Variants in ATRNL1 observed in about 807,000 individuals in gnomAD.
The protein encoded by ATRNL1 is attractin-like protein 1.
ATRNL1 carries 95 observed loss-of-function variants against 182.7 expected under a neutral mutation model. The observed-to-expected ratio is 0.52, with a 90% CI of 0.44 to 0.62. The LOEUF (loss-of-function observed/expected upper bound fraction) is 0.62. Ranked by LOEUF, ATRNL1 falls within the 20% of genes least tolerant of loss-of-function variation. ATRNL1 has a pLI of 0.00. For missense variants in ATRNL1, 1,471 were observed against 1,679.5 expected, an observed-to-expected ratio of 0.88 and a Z score of 2.17; for synonymous variants, 576 against 568.3, an observed-to-expected ratio of 1.01 and a Z score of -0.19.
intron 24 of ATRNL1, among the ~76,000 whole-genome samples, chr10:115,497,606 A>T (rs1020215462): frequency 2.0e-5 from 3 of 151,330 alleles, no homozygotes; most frequent in Non-Finnish European, 4.4e-5. Flanking sequence ...GTGCACACTA[A>T]TTGGTTCTAA....
intron 28 of ATRNL1, among the ~76,000 whole-genome samples, chr10:115,895,107 C>T (rs1210055081): frequency 1.3e-5 from 2 of 152,112 alleles, no homozygotes; most frequent in Non-Finnish European, 2.9e-5. Context: ...TTTAAGTTGC[C>T]ATTATATTGG....
chr10:115,141,777 C>A (rs569822658), intron 5 of ATRNL1, among the ~76,000 whole-genome samples: 1 of 152,008 alleles, frequency 6.6e-6, no homozygotes, highest in Non-Finnish European at 1.5e-5. Context: ...ACAGGTAATG[C>A]GTTTAATTCC....
intron 27 of ATRNL1, among the ~76,000 whole-genome samples, chr10:115,788,066 C>T (rs903681802): frequency 2.0e-5 from 3 of 152,112 alleles, no homozygotes; most frequent in African/African-American, 2.4e-5. Context: ...AATACAGGTA[C>T]GTAACATTTT....
rs540866137 is a variant in ATRNL1, at chr10:115,678,549, CAGTT to C, written c.3796-48698_3796-48695del. 2.2e-4 allele frequency among the ~76,000 whole-genome samples: 33 copies of C among 152,190 alleles called. 1 individual carries two copies. In the South Asian group the frequency reaches 6.6e-3, roughly 31 times the overall value. On this transcript the variant is annotated intron_variant, in intron 26 of 28. Coordinates refer to ENST00000355044, the MANE Select transcript of ATRNL1 (RefSeq NM_207303.4). ...CAGTTCTGGCTTCTGTTTTGGGAAA[CAGTT>C]TGTAACTGTGTTTAATATCATTTGA...
chr10:115,147,547 C>T (rs537899895), intron 5 of ATRNL1, among the ~76,000 whole-genome samples: 1 of 152,116 alleles, frequency 6.6e-6, no homozygotes, highest in Admixed American at 6.5e-5. Context: ...TTGCCTAGGT[C>T]AATGTCTCAA....
intron 8 of ATRNL1, among the ~76,000 whole-genome samples, chr10:115,205,184 A>G (rs560772233): frequency 2.6e-5 from 4 of 152,020 alleles, no homozygotes; most frequent in Admixed American, 6.6e-5. Flanking sequence ...ACACACCACC[A>G]TTACAGTATT....
At chr10:115,111,350 A>G (rs533154630) in intron 1 of ATRNL1, among the ~76,000 whole-genome samples, 1 of 152,336 alleles carries the variant, frequency 6.6e-6, no homozygotes, top group South Asian at 2.1e-4. Flanking sequence ...GTCCATTTGT[A>G]TTGCTACGAA....
chr10:115,272,694 G>C (rs572560957), intron 13 of ATRNL1, among the ~76,000 whole-genome samples: 3 of 152,268 alleles, frequency 2.0e-5, no homozygotes, highest in Middle Eastern at 3.4e-3. Flanking sequence ...AGCTTATATG[G>C]CTTTCTGGAG....
chr10:115,568,875 G>A (rs74525055), intron 26 of ATRNL1, among the ~76,000 whole-genome samples: 1,991 of 151,802 alleles, frequency 0.013, 36 homozygotes, highest in African/African-American at 0.045. Flanking sequence ...ATCCTTCCAG[G>A]TTTCCTTTAT....
intron 26 of ATRNL1, among the ~76,000 whole-genome samples, chr10:115,625,404 A>C (rs1206256615): frequency 6.6e-6 from 1 of 152,146 alleles, no homozygotes; most frequent in Non-Finnish European, 1.5e-5. Context: ...GTATTTCCAC[A>C]CTCATAATTT....
At chr10:115,414,933 A>C (rs1845317582) in intron 20 of ATRNL1, among the ~76,000 whole-genome samples, 1 of 152,068 alleles carries the variant, frequency 6.6e-6, no homozygotes, top group African/African-American at 2.4e-5. Context: ...CCATAGGTTA[A>C]CAAATCTATT....
At chr10:115,926,533 AAG>A (rs1475924599) in intron 28 of ATRNL1, among the ~76,000 whole-genome samples, 19 of 152,164 alleles carry the variant, frequency 1.2e-4, no homozygotes, top group Admixed American at 3.3e-4. Context: ...TAAACAAGAA[AAG>A]AGAGAAGAAT....
intron 17 of ATRNL1, among the ~76,000 whole-genome samples, chr10:115,306,923 G>T (rs1181741203): frequency 6.6e-6 from 1 of 152,116 alleles, no homozygotes; most frequent in Non-Finnish European, 1.5e-5. Flanking sequence ...ACACAGGTAT[G>T]AATTAAATTC....
intron 28 of ATRNL1, among the ~76,000 whole-genome samples, chr10:115,853,628 T>C (rs186031735): frequency 4.2e-4 from 64 of 152,262 alleles, no homozygotes; most frequent in African/African-American, 1.5e-3. Context: ...CTTAGCACTT[T>C]CTTTGTTAGA....
At chr10:115,160,998 G>C (rs868922997) in intron 6 of ATRNL1, among the ~76,000 whole-genome samples, 1 of 151,886 alleles carries the variant, frequency 6.6e-6, no homozygotes. Context: ...TTGAATTTCA[G>C]ATAAAAAACA....
rs1264751 is a variant in ATRNL1, at chr10:115,099,032, A to G, written c.293+4989A>G. ...AAACTGTCACCACAATCAAAATCAT[A>G]AAAATACCAATCACGCTAGAAAGTT... is the stretch of plus-strand genomic sequence containing the variant. On this transcript the variant is annotated intron_variant, in intron 1 of 28. Coordinates refer to ENST00000355044, the MANE Select transcript of ATRNL1 (RefSeq NM_207303.4). Among the ~76,000 whole-genome samples the G allele has an allele frequency of 7.8e-3, 1,185 of 152,340 alleles. 18 individuals carry two copies. Among genetic ancestry groups the G allele is most frequent in the African/African-American group, 0.028 (1,147 of 41,578 alleles).
chr10:115,133,623 A>G (rs1845366068), intron 5 of ATRNL1, among the ~76,000 whole-genome samples: 1 of 152,044 alleles, frequency 6.6e-6, no homozygotes, highest in South Asian at 2.1e-4. Flanking sequence ...CCCACTGTCA[A>G]TATTAGACAG....
At chr10:115,187,173 AAT>A (rs1491285813) in intron 8 of ATRNL1, among the ~76,000 whole-genome samples, 8 of 143,308 alleles carry the variant, frequency 5.6e-5, no homozygotes, top group African/African-American at 2.4e-4. Context: ...TTCTGGGAAT[AAT>A]TTTTTTTTTT....
chr10:115,895,549 C>G (rs1952185528), intron 28 of ATRNL1, among the ~76,000 whole-genome samples: 1 of 152,236 alleles, frequency 6.6e-6, no homozygotes. Context: ...CTGCCTGTCA[C>G]TGTCCCCCTC....
Sources: allele counts gnomAD v4.1 joint callset (sites outside exome capture counted in the v4.1 genomes callset), GRCh38; gene constraint gnomAD v4.1.1; transcripts MANE v1.5; gene names NCBI Gene and HGNC (gene_info 2026-07-23, HGNC 2026-07-21).